Variants in GPM6A observed in about 807,000 individuals in gnomAD.
GPM6A encodes the protein neuronal membrane glycoprotein M6-a.
A neutral mutation model predicts 32.1 loss-of-function variants in GPM6A; 7 were observed. That is an observed-to-expected ratio of 0.22 (90% confidence interval 0.12 to 0.41). The LOEUF (loss-of-function observed/expected upper bound fraction) is 0.41. Ranked by LOEUF, GPM6A falls within the 10% of genes least tolerant of loss-of-function variation. GPM6A has a pLI of 1.00. For synonymous variants in GPM6A, 130 were observed against 123.4 expected (o/e 1.05, Z -0.35); for missense variants, 235 against 347.2 (o/e 0.68, Z 2.57).
intron 1 of GPM6A, among the ~76,000 whole-genome samples, chr4:175,828,165 A>G (rs1735494940): frequency 1.3e-5 from 2 of 152,146 alleles, no homozygotes. Context: ...GGCAATTCCT[A>G]GGTCAGTTCT....
At chr4:175,955,660 T>C (rs1484622841) in intron 1 of GPM6A, among the ~76,000 whole-genome samples, 3 of 152,232 alleles carry the variant, frequency 2.0e-5, no homozygotes, top group Non-Finnish European at 4.4e-5. Context: ...CATTTGGCTC[T>C]ATTCTTAATC....
chr4:175,730,202 T>C (rs959748233), intron 1 of GPM6A, among the ~76,000 whole-genome samples: 2 of 152,132 alleles, frequency 1.3e-5, no homozygotes, highest in African/African-American at 4.8e-5. Context: ...TTCTAATTGC[T>C]GCTTGCATTT....
chr4:175,817,218 TA>T (rs1735133939), upstream of GPM6A, among the ~76,000 whole-genome samples: 4 of 152,324 alleles, frequency 2.6e-5, no homozygotes, highest in South Asian at 8.3e-4. Flanking sequence ...CAGTCCATTA[TA>T]AAATGACCAT....
intron 1 of GPM6A, among the ~76,000 whole-genome samples, chr4:175,868,334 A>G (rs1342575706): frequency 6.6e-6 from 1 of 152,092 alleles, no homozygotes; most frequent in Non-Finnish European, 1.5e-5. Context: ...CCAGTCCTTT[A>G]TTGTTATTTT....
intron 1 of GPM6A, among the ~76,000 whole-genome samples, chr4:175,729,373 A>G (rs1731315695): frequency 6.6e-6 from 1 of 152,178 alleles, no homozygotes; most frequent in African/African-American, 2.4e-5. Flanking sequence ...CAGATCTGCC[A>G]GGAAATGCAC....
intron 2 of GPM6A, among the ~76,000 whole-genome samples, chr4:175,686,743 T>C (rs115336400): frequency 0.041 from 6,316 of 152,324 alleles, 173 homozygotes; most frequent in Non-Finnish European, 0.062. Context: ...CTATATGTTA[T>C]GGCAGTCACA....
intron 1 of GPM6A, among the ~76,000 whole-genome samples, chr4:175,935,887 A>C (rs1739203638): frequency 6.6e-6 from 1 of 152,154 alleles, no homozygotes; most frequent in African/African-American, 2.4e-5. Flanking sequence ...TGATTTAATA[A>C]AATTAAGAAA....
At chr4:175,933,555 T>A (rs1739121123) in intron 1 of GPM6A, among the ~76,000 whole-genome samples, 2 of 137,632 alleles carry the variant, frequency 1.5e-5, no homozygotes, top group Non-Finnish European at 1.6e-5. Context: ...GTAATGTTCT[T>A]AGAAGTTCTT....
intron 1 of GPM6A, among the ~76,000 whole-genome samples, chr4:175,714,547 T>C (rs1745733695): frequency 6.7e-6 from 1 of 149,292 alleles, no homozygotes; most frequent in Non-Finnish European, 1.5e-5. Context: ...CCATACCTGG[T>C]CACCAAGACT....
intron 1 of GPM6A, among the ~76,000 whole-genome samples, chr4:175,857,840 A>G (rs1736460502): frequency 6.6e-6 from 1 of 152,196 alleles, no homozygotes; most frequent in African/African-American, 2.4e-5. Context: ...TTTACCACGT[A>G]TATTCATGAA....
chr4:175,830,406 AAAT>A (rs1735573044), intron 1 of GPM6A, among the ~76,000 whole-genome samples: 1 of 152,180 alleles, frequency 6.6e-6, no homozygotes, highest in Admixed American at 6.5e-5. Context: ...AGTGTATATA[AAAT>A]AATGATGATG....
chr4:175,768,733 G>C (rs1560922955), intron 1 of GPM6A, among the ~76,000 whole-genome samples: 1 of 152,080 alleles, frequency 6.6e-6, no homozygotes, highest in Non-Finnish European at 1.5e-5. Context: ...CTGGCACTAT[G>C]TATCATTCTG....
intron 4 of GPM6A, among the ~76,000 whole-genome samples, chr4:175,647,128 C>T (rs1290502283): frequency 1.3e-5 from 2 of 152,230 alleles, no homozygotes; most frequent in Non-Finnish European, 2.9e-5. Flanking sequence ...ACAAGCTGCT[C>T]TCGCTAACAT....
At chr4:175,660,886 T>C (rs1040829814) in intron 3 of GPM6A, among the ~76,000 whole-genome samples, 1 of 152,240 alleles carries the variant, frequency 6.6e-6, no homozygotes, top group African/African-American at 2.4e-5. Context: ...CACTTTTTAC[T>C]ACCACCCCTG....
chr4:175,711,125 T>C (rs1035483853), intron 1 of GPM6A, among the ~76,000 whole-genome samples: 4 of 152,110 alleles, frequency 2.6e-5, no homozygotes, highest in Non-Finnish European at 5.9e-5. Flanking sequence ...TAAGTAATTA[T>C]ATTTTAATTG....
chr4:175,959,612 A>T (rs1378311740), intron 1 of GPM6A, among the ~76,000 whole-genome samples: 1 of 152,214 alleles, frequency 6.6e-6, no homozygotes, highest in Non-Finnish European at 1.5e-5. Flanking sequence ...TGCACAATAA[A>T]TTTTAAGACT....
chr4:175,754,037 C>A (rs1732436683), intron 1 of GPM6A, among the ~76,000 whole-genome samples: 1 of 152,108 alleles, frequency 6.6e-6, no homozygotes, highest in Non-Finnish European at 1.5e-5. Context: ...TCCAATCTAT[C>A]AATTCACTTG....
chr4:175,718,016 GC>G (rs532473696), intron 1 of GPM6A, among the ~76,000 whole-genome samples: 143 of 152,206 alleles, frequency 9.4e-4, no homozygotes, highest in African/African-American at 3.1e-3. Flanking sequence ...CACGACCACA[GC>G]AATTTTAAGA....
intron 1 of GPM6A, among the ~76,000 whole-genome samples, chr4:175,938,362 C>T (rs1222178111): frequency 6.6e-6 from 1 of 152,206 alleles, no homozygotes; most frequent in Non-Finnish European, 1.5e-5. Context: ...TAATTACACT[C>T]CCACCAACAG....
Sources: allele counts gnomAD v4.1 joint callset (sites outside exome capture counted in the v4.1 genomes callset), GRCh38; gene constraint gnomAD v4.1.1; transcripts MANE v1.5; gene names NCBI Gene and HGNC (gene_info 2026-07-23, HGNC 2026-07-21).